Variants in ATP13A4 observed in about 807,000 individuals in gnomAD.
ATP13A4 encodes probable cation-transporting ATPase 13A4.
In ATP13A4, 114 loss-of-function variants were observed where a neutral mutation model predicts 142.5. The ratio of observed to expected loss-of-function variants is 0.80; its 90% confidence interval spans 0.69 to 0.93. ATP13A4 has a LOEUF of 0.93. Ranked by LOEUF, ATP13A4 falls within the 40% of genes least tolerant of loss-of-function variation. The probability of loss-of-function intolerance (pLI) is 0.00; values close to 1 mark genes in which losing one functional copy is unlikely to be tolerated. For synonymous variants in ATP13A4, 488 were observed against 514.8 expected (o/e 0.95, Z 0.70); for missense variants, 1,392 against 1,454.0 (o/e 0.96, Z 0.69).
intron 1 of ATP13A4, among the ~76,000 whole-genome samples, chr3:193,592,197 G>A (rs928603168): frequency 1.3e-5 from 2 of 152,002 alleles, no homozygotes; most frequent in African/African-American, 2.4e-5. Context: ...AGGATGCACA[G>A]GACCCTTTTA....
chr3:193,402,174 A>G lies in ATP13A4; in HGVS notation c.*478T>C, dbSNP rs1221204648. 6.3e-6 allele frequency: 1 copy of G among 158,736 alleles called. No individual in the cohort carries two copies. The highest frequency in any genetic ancestry group is 1.4e-5 in the Non-Finnish European group (1 of 71,824). The allele number at this position is 158,736 out of a possible 1,614,324, so 9.8% of individuals were successfully genotyped here. ...CAGAAGAAAAAGCCTCAAATCTGAA[A>G]AGTACTACAGAGAAAAGGAACCCAG... On this transcript the variant is annotated 3_prime_UTR_variant, in exon 30 of 30. Transcript: ENST00000342695.
At chr3:193,423,816 G>GT (rs1715517195) in intron 25 of ATP13A4, among the ~76,000 whole-genome samples, 2 of 142,154 alleles carry the variant, frequency 1.4e-5, no homozygotes, top group South Asian at 2.2e-4. Flanking sequence ...AGTACTGGAA[G>GT]TCCTAGCCAG....
At chr3:193,528,244 C>T (rs1452201959) in intron 1 of ATP13A4, among the ~76,000 whole-genome samples, 1 of 152,172 alleles carries the variant, frequency 6.6e-6, no homozygotes, top group Admixed American at 6.5e-5. Flanking sequence ...AGCCTGCCAC[C>T]CTGTGACTCT....
In ATP13A4 at chr3:193,402,668, T is replaced by C. The variant is rs1346715950; in HGVS notation, c.3575A>G (p.Asn1192Ser). The C allele has an allele frequency of 2.0e-6, 2 of 1,003,188 alleles. No homozygotes were observed. Among genetic ancestry groups the C allele is most frequent in the African/African-American group, 3.2e-5 (2 of 63,008 alleles). 62.1% of individuals were successfully genotyped at this position (1,003,188 alleles called of 1,614,324 possible). Residue 1192 changes from asparagine to serine, a missense_variant, in exon 30 of 30, where the codon AAT becomes AGT. Transcript: ENST00000342695. Reference sequence around the variant, plus strand: ...ACATGTCCTTCAGAGTTGTTCTTCATTGCTCTCAAATACTGGATTGCTGTA... The same window carrying C: ...ACATGTCCTTCAGAGTTGTTCTTCACTGCTCTCAAATACTGGATTGCTGTA... ...VSYSNPVFES[N>S]EEQL
At chr3:193,484,105 CT>C (rs1719465918) in intron 7 of ATP13A4, 100 bp from the exon 8 acceptor site, 1 of 1,005,648 alleles carries the variant, frequency 9.9e-7, no homozygotes, top group South Asian at 1.3e-5. Context: ...CACTGTCTTA[CT>C]GCCAGTTGAA....
intron 2 of ATP13A4, among the ~76,000 whole-genome samples, chr3:193,574,845 T>C (rs891397236): frequency 6.6e-6 from 1 of 152,046 alleles, no homozygotes; most frequent in African/African-American, 2.4e-5. Flanking sequence ...AGAGGGTAAT[T>C]TGCATGCAGG....
chr3:193,411,777 A>G (rs936109960), intron 27 of ATP13A4, among the ~76,000 whole-genome samples: 4 of 152,190 alleles, frequency 2.6e-5, no homozygotes, highest in Admixed American at 1.3e-4. Context: ...GCCTGCCACC[A>G]CACAATGCCA....
At chr3:193,577,878 T>C (rs1022291995) in intron 2 of ATP13A4, among the ~76,000 whole-genome samples, 1 of 152,222 alleles carries the variant, frequency 6.6e-6, no homozygotes, top group African/African-American at 2.4e-5. Flanking sequence ...TATTAACACT[T>C]CCATGAAACA....
intron 1 of ATP13A4, among the ~76,000 whole-genome samples, chr3:193,541,248 C>CAAAAAAAAAAAAAAAAAAAAAAA (rs71179308): frequency 9.7e-5 from 5 of 51,296 alleles, no homozygotes; most frequent in Non-Finnish European, 1.6e-4. Context: ...GACTCCTTCT[C>CAAAAAAAAAAAAAAAAAAAAAAA]AAAAAAAAAA....
chr3:193,494,224 A>G (rs979906321), intron 3 of ATP13A4, among the ~76,000 whole-genome samples: 3 of 152,094 alleles, frequency 2.0e-5, no homozygotes, highest in Non-Finnish European at 4.4e-5. Flanking sequence ...CAAATCATTC[A>G]GACAGAAAAT....
chr3:193,514,765 C>T lies in ATP13A4; in HGVS notation c.167G>A (p.Trp56Ter). 6.2e-6 allele frequency: 10 copies of T among 1,614,194 alleles called. No individual in the cohort carries two copies. Among genetic ancestry groups the T allele is most frequent in the Non-Finnish European group, 8.5e-6 (10 of 1,180,048 alleles). Residue 56 changes from tryptophan (W) to a stop codon, truncating the protein, a stop_gained, in exon 2 of 30, where the codon TGG becomes TAG. Transcript: ENST00000342695. LOFTEE classifies it high-confidence loss of function. ...TGGGACACAATGTGCCCATACGTGCCATGCTGGTCTCCAGTAAAACACCAA... is the reference window on the plus strand; with the variant it reads ...TGGGACACAATGTGCCCATACGTGCTATGCTGGTCTCCAGTAAAACACCAA... ...LPLVFYWRPA[W>*]HVWAHCVPCS...
rs71179308 is a variant in ATP13A4, at chr3:193,541,248, C to CAAAAAAAAAAAAAAAAAAA, written c.60+13473_60+13491dup. ...TGGGCGACAGAGCGAGACTCCTTCT[C>CAAAAAAAAAAAAAAAAAAA]AAAAAAAAAAAAAAAAAAAAAATCA... On this transcript the variant is annotated intron_variant, in intron 1 of 29. Coordinates refer to ENST00000342695, the MANE Select transcript of ATP13A4 (RefSeq NM_032279.4). 1.8e-4 allele frequency among the ~76,000 whole-genome samples: 9 copies of CAAAAAAAAAAAAAAAAAAA among 51,282 alleles called. 1 individual carries two copies. Among genetic ancestry groups the CAAAAAAAAAAAAAAAAAAA allele is most frequent in the East Asian group, 6.2e-4 (1 of 1,612 alleles). 33.6% of individuals were successfully genotyped at this position (51,282 alleles called of 152,430 possible).
At chr3:193,511,815 A>G (rs1721155792) in intron 2 of ATP13A4, among the ~76,000 whole-genome samples, 1 of 152,136 alleles carries the variant, frequency 6.6e-6, no homozygotes, top group Non-Finnish European at 1.5e-5. Context: ...TTGAGGTCCT[A>G]AAAAGTTAGG....
intron 17 of ATP13A4, among the ~76,000 whole-genome samples, chr3:193,452,176 A>G (rs895710402): frequency 2.0e-5 from 3 of 152,210 alleles, no homozygotes; most frequent in Non-Finnish European, 4.4e-5. Flanking sequence ...GCAGCATGGT[A>G]GCCAGACTCT....
At chr3:193,489,681 G>C in intron 7 of ATP13A4, 49 bp downstream of exon 7, 1 of 1,566,926 alleles carries the variant, frequency 6.4e-7, no homozygotes, top group Non-Finnish European at 8.8e-7. Context: ...TTTTAATAAA[G>C]TCATTATCCT....
Position 193,459,240 on chromosome 3 carries a change from G to A in ATP13A4, c.1524-9C>T. 1 of 1,614,210 alleles carries A rather than the reference G, an allele frequency of 6.2e-7. No homozygotes were observed. The highest frequency in any genetic ancestry group is 8.5e-7 in the Non-Finnish European group (1 of 1,180,034). On this transcript the variant is annotated splice_polypyrimidine_tract_variant and intron_variant, in intron 13 of 29. Coordinates refer to ENST00000342695, the MANE Select transcript of ATP13A4 (RefSeq NM_032279.4). The stretch of plus-strand genomic sequence containing the variant: ...TGTGAACTTCCTGAAAGCTTAAGGA[G>A]AAAAGGAAATGGGTTTCCATTCCAT...
chr3:193,412,173 C>G lies in ATP13A4; in HGVS notation c.3208+5G>C, dbSNP rs1714803231. Reference sequence around the variant, plus strand: ...TCACCTCTGATGCAGTACAGTTCTACTCACAGTTTGTATAAGTTGGCTGTC... The same window carrying G: ...TCACCTCTGATGCAGTACAGTTCTAGTCACAGTTTGTATAAGTTGGCTGTC... On this transcript the variant is annotated splice_donor_5th_base_variant and intron_variant, in intron 27 of 29. Transcript: ENST00000342695. The G allele has an allele frequency of 6.3e-7, 1 of 1,592,886 alleles. No homozygotes were observed. The highest frequency in any genetic ancestry group is 8.6e-7 in the Non-Finnish European group (1 of 1,160,684).
chr3:193,466,565 A>G (rs1718301005), intron 10 of ATP13A4, among the ~76,000 whole-genome samples: 1 of 152,238 alleles, frequency 6.6e-6, no homozygotes, highest in Non-Finnish European at 1.5e-5. Flanking sequence ...TCACTTTTCT[A>G]ATACTTTGCA....
At position 193,583,770 on chromosome 3, in the gene ATP13A4, T is replaced by C. The variant is rs1724617947; in HGVS notation, n.92-1864A>G. On this transcript the variant is annotated intron_variant and non_coding_transcript_variant, in intron 1 of 3. Transcript: ENST00000489140. Reference sequence around the variant, plus strand: ...AGTAAAGGAAATATTTCAAATTTTATAATTCAAGAGTAAATCCTTAAAACT... The same window carrying C: ...AGTAAAGGAAATATTTCAAATTTTACAATTCAAGAGTAAATCCTTAAAACT... Among the ~76,000 whole-genome samples, 2 of 152,166 alleles carry C rather than the reference T, an allele frequency of 1.3e-5. 1 individual carries two copies. The highest frequency in any genetic ancestry group is 3.9e-4 in the East Asian group (2 of 5,194).
Sources: allele counts gnomAD v4.1 joint callset (sites outside exome capture counted in the v4.1 genomes callset), GRCh38; gene constraint gnomAD v4.1.1; transcripts MANE v1.5; gene names NCBI Gene and HGNC (gene_info 2026-07-23, HGNC 2026-07-21).